The following DACH1 variants were observed in gnomAD, a reference collection of about 807,000 sequenced individuals.
The protein encoded by DACH1 is dachshund family transcription factor 1.
In DACH1, 12 loss-of-function variants were observed where a neutral mutation model predicts 54.2. That is an observed-to-expected ratio of 0.22 (90% CI 0.14 to 0.36). DACH1 has a LOEUF of 0.36. DACH1 is among the 10% of genes least tolerant of loss of function. The probability of loss-of-function intolerance (pLI) is 1.00; values close to 1 mark genes in which losing one functional copy is unlikely to be tolerated. For missense variants in DACH1, 805 were observed against 929.8 expected (o/e 0.87, Z 1.75); for synonymous variants, 386 against 366.2 (o/e 1.05, Z -0.62).
At chr13:71,464,814 T>A in intron 10 of DACH1, 1 of 428,098 alleles carries the variant, frequency 2.3e-6, no homozygotes, top group Non-Finnish European at 4.6e-6. Context: ...GTAAAGATAT[T>A]CTCAAGACTA....
In DACH1 at chr13:71,480,954, C is replaced by CTT. The variant is rs1877976971; in HGVS notation, c.1723-1639_1723-1638insAA. ...CTCCGTGGCAGGTTGCCCCTCCCCACTCTTTTGTTTAACAGTAAAACATAG... is the reference window on the plus strand; with the variant it reads ...CTCCGTGGCAGGTTGCCCCTCCCCACTTTCTTTTGTTTAACAGTAAAACATAG... On this transcript the variant is annotated intron_variant, in intron 7 of 10. Coordinates refer to ENST00000613252, the MANE Select transcript of DACH1 (RefSeq NM_080759.6). 3.9e-4 allele frequency among the ~76,000 whole-genome samples: 7 copies of CTT among 17,874 alleles called. No homozygotes were observed. The South Asian group carries it at 0.27, about 687-fold the overall frequency. 11.7% of individuals were successfully genotyped at this position (17,874 alleles called of 152,430 possible).
chr13:71,835,913 T>C (rs1487541781), intron 1 of DACH1, among the ~76,000 whole-genome samples: 2 of 152,088 alleles, frequency 1.3e-5, no homozygotes, highest in East Asian at 1.9e-4. Context: ...CTGGAAATTT[T>C]CTATTGTATT....
At chr13:71,825,259 T>C (rs981328007) in intron 1 of DACH1, among the ~76,000 whole-genome samples, 1 of 152,148 alleles carries the variant, frequency 6.6e-6, no homozygotes, top group Non-Finnish European at 1.5e-5. Flanking sequence ...TTTGCATTAT[T>C]TAACTCACTC....
chr13:71,738,303 G>A (rs1251692914), intron 1 of DACH1, among the ~76,000 whole-genome samples: 1 of 152,038 alleles, frequency 6.6e-6, no homozygotes, highest in Non-Finnish European at 1.5e-5. Flanking sequence ...GGAGAGAGGG[G>A]AATTTTGTCC....
chr13:71,797,933 G>C (rs1887123335), intron 1 of DACH1, among the ~76,000 whole-genome samples: 1 of 151,964 alleles, frequency 6.6e-6, no homozygotes, highest in Admixed American at 6.6e-5. Flanking sequence ...GCAACTTCAT[G>C]GTAATTAAAG....
At chr13:71,722,024 C>A (rs1883251330) in intron 1 of DACH1, among the ~76,000 whole-genome samples, 1 of 152,028 alleles carries the variant, frequency 6.6e-6, no homozygotes, top group Non-Finnish European at 1.5e-5. Context: ...TATTTTTACT[C>A]CAGTATATGA....
chr13:71,488,540 G>T (rs895094716), intron 7 of DACH1, among the ~76,000 whole-genome samples: 2 of 151,874 alleles, frequency 1.3e-5, no homozygotes, highest in South Asian at 2.1e-4. Flanking sequence ...ATGAAAGAAG[G>T]CATTTTTTTG....
chr13:71,558,481 A>G (rs2138379257), intron 5 of DACH1, among the ~76,000 whole-genome samples: 1 of 152,096 alleles, frequency 6.6e-6, no homozygotes, highest in South Asian at 2.1e-4. Flanking sequence ...ATGTATAACA[A>G]AACTCATTCA....
chr13:71,506,203 G>A (rs1266387944), intron 6 of DACH1, among the ~76,000 whole-genome samples: 2 of 150,516 alleles, frequency 1.3e-5, no homozygotes, highest in Admixed American at 6.6e-5. Context: ...AGTTACATAT[G>A]TATACATGTG....
intron 1 of DACH1, among the ~76,000 whole-genome samples, chr13:71,755,250 A>C (rs1217074362): frequency 6.6e-6 from 1 of 152,172 alleles, no homozygotes; most frequent in Non-Finnish European, 1.5e-5. Flanking sequence ...TATATCACAC[A>C]TGAGTTGAGG....
At chr13:71,658,580 C>T (rs2138645584) in intron 2 of DACH1, among the ~76,000 whole-genome samples, 1 of 152,150 alleles carries the variant, frequency 6.6e-6, no homozygotes, top group African/African-American at 2.4e-5. Context: ...AGCACTATAT[C>T]CATGTAATGT....
At chr13:71,625,703 T>C (rs1402966538) in intron 3 of DACH1, among the ~76,000 whole-genome samples, 7 of 151,994 alleles carry the variant, frequency 4.6e-5, no homozygotes, top group Non-Finnish European at 7.4e-5. Flanking sequence ...AACAATCATA[T>C]GTTTTGAGCA....
intron 1 of DACH1, among the ~76,000 whole-genome samples, chr13:71,686,619 A>G (rs962364825): frequency 1.3e-5 from 2 of 152,218 alleles, no homozygotes. Flanking sequence ...AGAATTTTCA[A>G]TATCCAATCT....
rs551482757 is a variant in DACH1 at position 71,543,404 on chromosome 13, AAAT to A, written c.1570+13617_1570+13619del. 5.0e-3 allele frequency among the ~76,000 whole-genome samples: 764 copies of A among 152,258 alleles called. 4 individuals carry two copies. Among genetic ancestry groups the A allele is most frequent in the African/African-American group, 0.018 (735 of 41,576 alleles). ...ATCAAGATATTTAGATGATTAAAAC[AAAT>A]AATAAACTCTACAAGAACAAATGAA... On this transcript the variant is annotated intron_variant, in intron 6 of 10. Coordinates refer to ENST00000613252, the MANE Select transcript of DACH1 (RefSeq NM_080759.6).
At chr13:71,538,523 A>G (rs1164593370) in intron 6 of DACH1, among the ~76,000 whole-genome samples, 1 of 152,092 alleles carries the variant, frequency 6.6e-6, no homozygotes, top group African/African-American at 2.4e-5. Flanking sequence ...CAGGCAAGGG[A>G]ATGTGAACTT....
At chr13:71,824,541 T>C (rs1594267601) in intron 1 of DACH1, among the ~76,000 whole-genome samples, 1 of 148,678 alleles carries the variant, frequency 6.7e-6, no homozygotes, top group Non-Finnish European at 1.5e-5. Context: ...TCAGAATGAA[T>C]GAAAAATAAA....
At chr13:71,675,993 T>TA (rs574972005) in intron 2 of DACH1, among the ~76,000 whole-genome samples, 26 of 152,026 alleles carry the variant, frequency 1.7e-4, no homozygotes, top group South Asian at 1.7e-3. Flanking sequence ...CATTAAACTA[T>TA]AAAAAAAATA....
chr13:71,654,030 A>C lies in DACH1; in HGVS notation c.965-23313T>G, dbSNP rs186580083. ...TATAGTATGTATGGGTGTGTGTATA[A>C]ACACAAGCATACACTATTTTAAATG... On this transcript the variant is annotated intron_variant, in intron 2 of 10. Coordinates refer to ENST00000613252, the MANE Select transcript of DACH1 (RefSeq NM_080759.6). 2.4e-3 allele frequency among the ~76,000 whole-genome samples: 362 copies of C among 152,302 alleles called. 1 individual carries two copies. Among genetic ancestry groups the C allele is most frequent in the Non-Finnish European group, 3.6e-3 (244 of 68,026 alleles).
At chr13:71,734,802 A>G (rs868656653) in intron 1 of DACH1, among the ~76,000 whole-genome samples, 13 of 40,986 alleles carry the variant, frequency 3.2e-4, no homozygotes, top group African/African-American at 5.7e-4. Flanking sequence ...CCATATACGT[A>G]TACCCCATAT....
Sources: gnomAD v4.1 joint callset for allele counts (sites outside exome capture counted in the v4.1 genomes callset) on GRCh38, gnomAD v4.1.1 for gene constraint, MANE v1.5 for transcripts, NCBI Gene and HGNC (gene_info 2026-07-23, HGNC 2026-07-21) for gene names.